CDH23: variants seen among roughly 807,000 people sequenced by gnomAD.
The protein encoded by CDH23 is cadherin-23.
In CDH23, 189 loss-of-function variants were observed where a neutral mutation model predicts 317.1. The ratio of observed to expected loss-of-function variants is 0.60; its 90% CI spans 0.53 to 0.67. CDH23 has a LOEUF of 0.67. Ranked by LOEUF, CDH23 falls within the 30% of genes least tolerant of loss-of-function variation. The pLI is 0.00. For synonymous variants in CDH23, 1,839 were observed against 1,876.8 expected (o/e 0.98, Z 0.52); for missense variants, 4,401 against 4,592.4 (o/e 0.96, Z 1.20).
Position 71,539,482 on chromosome 10 carries a change from T to G in CDH23, c.430-27260T>G, listed in dbSNP as rs554098564. Among the ~76,000 whole-genome samples, 14 of 152,204 alleles carry G rather than the reference T, an allele frequency of 9.2e-5. No homozygotes were observed. In the South Asian group the frequency reaches 2.9e-3, roughly 32 times the overall value. ...CTCTCTCTGGTCTTTCTTTCTCTGC[T>G]TGTGGCTTTGTTTGTTAGACGCATG... On this transcript the variant is annotated intron_variant, in intron 6 of 69. Transcript: ENST00000224721.
At chr10:71,804,297 G>C (rs892121193) in intron 55 of CDH23, among the ~76,000 whole-genome samples, 3 of 152,114 alleles carry the variant, frequency 2.0e-5, no homozygotes, top group African/African-American at 7.2e-5. Context: ...TAAGAAATGA[G>C]GGGAAGTGGC....
At chr10:71,788,733 G>A (rs1010066095) in intron 44 of CDH23, among the ~76,000 whole-genome samples, 4 of 152,210 alleles carry the variant, frequency 2.6e-5, no homozygotes, top group African/African-American at 9.6e-5. Flanking sequence ...GGGATTACAG[G>A]CATGAGCCAC....
At chr10:71,773,593 C>A in intron 38 of CDH23, 1 of 609,856 alleles carries the variant, frequency 1.6e-6, no homozygotes, top group Middle Eastern at 4.8e-4. Context: ...CGCGCAGCGC[C>A]CCCGGGGGGC....
At chr10:71,585,899 CA>C (rs1214920085) in intron 9 of CDH23, among the ~76,000 whole-genome samples, 1 of 152,206 alleles carries the variant, frequency 6.6e-6, no homozygotes, top group Non-Finnish European at 1.5e-5. Flanking sequence ...CCATAAATAA[CA>C]CTGGTGGGTG....
rs769972347 is a variant in CDH23 at position 71,730,458 on chromosome 10, G to A, written c.3580-11G>A. ...CACCCTGACCTTGCACCCCTGGCCC[G>A]GCTCCCACAGGTGATTGTGTACGTG... On this transcript the variant is annotated splice_polypyrimidine_tract_variant and intron_variant, in intron 30 of 69. Transcript: ENST00000224721. 6 of 1,612,942 alleles carry A rather than the reference G, an allele frequency of 3.7e-6. No homozygotes were observed. The highest frequency in any genetic ancestry group is 1.8e-4 in the Middle Eastern group (1 of 5,662).
rs762302865 is a variant in CDH23 at position 71,810,095 on chromosome 10, C to T, written c.8979+19C>T. ...TGTGCAGGTGCCTCATGGGCCCACC[C>T]GGGGCCGGGGCAGTGGAGGGAGAAG... is the stretch of plus-strand genomic sequence containing the variant. On this transcript the variant is annotated intron_variant, in intron 61 of 69. Coordinates refer to ENST00000224721, the MANE Select transcript of CDH23 (RefSeq NM_022124.6). 6.2e-6 allele frequency: 10 copies of T among 1,608,254 alleles called. No homozygotes were observed. Among genetic ancestry groups the T allele is most frequent in the East Asian group, 2.2e-5 (1 of 44,796 alleles).
At chr10:71,626,748 G>A (rs147702160) in intron 11 of CDH23, among the ~76,000 whole-genome samples, 116 of 152,300 alleles carry the variant, frequency 7.6e-4, no homozygotes, top group Non-Finnish European at 1.3e-3. Flanking sequence ...TCGTACTCTC[G>A]GATGTACAAT....
Position 71,451,801 on chromosome 10 carries a change from G to A in CDH23, c.145+5406G>A, listed in dbSNP as rs528386681. 9.2e-4 allele frequency among the ~76,000 whole-genome samples: 140 copies of A among 152,336 alleles called. 2 individuals are homozygous for A. Among genetic ancestry groups the A allele is most frequent in the Middle Eastern group, 3.4e-3 (1 of 294 alleles). On this transcript the variant is annotated intron_variant, in intron 3 of 69. Transcript: ENST00000224721. ...CTGTGTCCCCAGGGCCTAGCCCTGC[G>A]CCTGGTGTGCGCCTGGAACTTAGGG...
intron 1 of CDH23, among the ~76,000 whole-genome samples, chr10:71,400,269 G>C (rs112050364): frequency 6.6e-6 from 1 of 152,332 alleles, no homozygotes; most frequent in African/African-American, 2.4e-5. Context: ...ATTTGGATCA[G>C]AGGCCTGGTG....
chr10:71,410,462 G>A (rs148233573), intron 1 of CDH23, among the ~76,000 whole-genome samples: 1 of 152,320 alleles, frequency 6.6e-6, no homozygotes, highest in East Asian at 1.9e-4. Flanking sequence ...GGCAGGAAGA[G>A]AGGCAAAGCA....
chr10:71,522,873 T>C (rs777228920), intron 6 of CDH23, among the ~76,000 whole-genome samples: 5 of 152,088 alleles, frequency 3.3e-5, no homozygotes, highest in Non-Finnish European at 4.4e-5. Context: ...CCATCCTCAG[T>C]GTAGTCCTTC....
At chr10:71,616,693 C>T (rs974535826) in intron 10 of CDH23, among the ~76,000 whole-genome samples, 3 of 152,178 alleles carry the variant, frequency 2.0e-5, no homozygotes, top group African/African-American at 7.2e-5. Context: ...CACTTTTGGG[C>T]CCATGGCTCT....
At chr10:71,532,700 C>CTTTTTT (rs1855446648) in intron 6 of CDH23, among the ~76,000 whole-genome samples, 1 of 131,540 alleles carries the variant, frequency 7.6e-6, no homozygotes, top group African/African-American at 2.7e-5. Flanking sequence ...GGCAAGTTTT[C>CTTTTTT]TTTTGTTTTT....
chr10:71,645,978 G>T lies in CDH23; in HGVS notation c.1288G>T (p.Asp430Tyr), dbSNP rs747452182. The stretch of plus-strand genomic sequence containing the variant: ...CGAGACCGTGGACCGCTACGACTTT[G>T]ATGTAAGGCCCCACTCACTGGCATT... ...DYETVDRYDF[D>Y]LFANESVPDH... Residue 430 changes from aspartate (D) to tyrosine (Y), a missense_variant and splice_region_variant, in exon 13 of 70, where the codon GAT (aspartate) becomes TAT (tyrosine). Coordinates refer to ENST00000224721, the MANE Select transcript of CDH23 (RefSeq NM_022124.6). The T allele has an allele frequency of 6.2e-7, 1 of 1,610,988 alleles. No individual in the cohort carries two copies. The highest frequency in any genetic ancestry group is 2.2e-5 in the East Asian group (1 of 44,872).
At chr10:71,603,032 G>A (rs1860319940) in intron 9 of CDH23, among the ~76,000 whole-genome samples, 1 of 152,130 alleles carries the variant, frequency 6.6e-6, no homozygotes, top group South Asian at 2.1e-4. Context: ...CTGGGGGTAT[G>A]ACCCACCCCA....
chr10:71,569,445 G>C (rs1857629274), intron 7 of CDH23, among the ~76,000 whole-genome samples: 1 of 152,208 alleles, frequency 6.6e-6, no homozygotes, highest in Non-Finnish European at 1.5e-5. Context: ...TTAGCTCAGA[G>C]AATGTTCGAG....
At chr10:71,450,496 G>A (rs953279530) in intron 3 of CDH23, among the ~76,000 whole-genome samples, 2 of 151,976 alleles carry the variant, frequency 1.3e-5, no homozygotes, top group Non-Finnish European at 2.9e-5. Context: ...TCAAACTCCC[G>A]ACCTCAGGTG....
intron 9 of CDH23, among the ~76,000 whole-genome samples, chr10:71,605,647 C>T (rs1860487184): frequency 1.3e-5 from 2 of 152,204 alleles, no homozygotes; most frequent in South Asian, 4.1e-4. Flanking sequence ...CTGTGCTGAT[C>T]ATTGTCCTTT....
chr10:71,635,003 G>A (rs978926174), intron 11 of CDH23, among the ~76,000 whole-genome samples: 2 of 152,222 alleles, frequency 1.3e-5, no homozygotes, highest in African/African-American at 4.8e-5. Context: ...ACACAGCAAG[G>A]CTGAGCTATG....
Sources: gnomAD v4.1 joint callset for allele counts (sites outside exome capture counted in the v4.1 genomes callset) on GRCh38, gnomAD v4.1.1 for gene constraint, MANE v1.5 for transcripts, NCBI Gene and HGNC (gene_info 2026-07-23, HGNC 2026-07-21) for gene names.